CCNY: variants seen among roughly 807,000 people sequenced by gnomAD.
CCNY encodes cyclin-Y.
A neutral mutation model predicts 42.8 loss-of-function variants in CCNY; 19 were observed. The ratio of observed to expected loss-of-function variants is 0.44; its 90% CI spans 0.31 to 0.65. The LOEUF (loss-of-function observed/expected upper bound fraction) is 0.65. CCNY is among the 30% of genes least tolerant of loss of function. CCNY has a pLI of 0.07. For synonymous variants in CCNY, 165 were observed against 162.7 expected (o/e 1.01, Z -0.11); for missense variants, 370 against 437.3 (o/e 0.85, Z 1.37).
chr10:35,460,170 G>A (rs889835652), intron 1 of CCNY, among the ~76,000 whole-genome samples: 11 of 152,134 alleles, frequency 7.2e-5, no homozygotes, highest in Non-Finnish European at 1.2e-4. Flanking sequence ...TCTCCCTGCC[G>A]CTTGGCAGCT....
chr10:35,322,521 A>G (rs1835833191), intron 3 of CCNY, among the ~76,000 whole-genome samples: 1 of 152,212 alleles, frequency 6.6e-6, no homozygotes, highest in Non-Finnish European at 1.5e-5. Context: ...ACTTTTACAA[A>G]GTTAAAGACT....
chr10:35,379,189 CA>C (rs1254926837), intron 1 of CCNY, among the ~76,000 whole-genome samples: 2 of 152,132 alleles, frequency 1.3e-5, no homozygotes, highest in Non-Finnish European at 2.9e-5. Context: ...GGAGAGCAGG[CA>C]GGCTCTCGGG....
intron 1 of CCNY, among the ~76,000 whole-genome samples, chr10:35,400,912 A>ACT (rs1176832664): frequency 6.6e-6 from 1 of 152,190 alleles, no homozygotes; most frequent in African/African-American, 2.4e-5. Flanking sequence ...ATGGCATTGA[A>ACT]CTATTATCTT....
intron 7 of CCNY, among the ~76,000 whole-genome samples, chr10:35,550,849 C>T (rs74797399): frequency 0.025 from 3,738 of 152,192 alleles, 66 homozygotes; most frequent in Non-Finnish European, 0.035. Flanking sequence ...TCAGGACCAG[C>T]CCCTCCTTTT....
chr10:35,349,018 T>C (rs1165484507), intron 1 of CCNY, among the ~76,000 whole-genome samples: 1 of 152,088 alleles, frequency 6.6e-6, no homozygotes, highest in African/African-American at 2.4e-5. Context: ...GTGAATTTTT[T>C]CCAACCAAAC....
At chr10:35,479,106 G>A (rs369341179) in intron 1 of CCNY, among the ~76,000 whole-genome samples, 3 of 151,464 alleles carry the variant, frequency 2.0e-5, no homozygotes, top group African/African-American at 4.9e-5. Flanking sequence ...TCAGGAAACA[G>A]CAGGTGCTGG....
intron 1 of CCNY, among the ~76,000 whole-genome samples, chr10:35,420,163 T>C (rs907454990): frequency 2.6e-5 from 4 of 152,326 alleles, no homozygotes; most frequent in African/African-American, 9.6e-5. Context: ...GAAGTTTTCA[T>C]TAAGCTGCTA....
chr10:35,558,499 C>G (rs1444226440), intron 8 of CCNY, among the ~76,000 whole-genome samples: 1 of 152,206 alleles, frequency 6.6e-6, no homozygotes, highest in East Asian at 1.9e-4. Flanking sequence ...GTAACAGATG[C>G]TATTCATGAC....
At position 35,489,339 on chromosome 10, in the gene CCNY, C is replaced by T. The variant is rs887229874; in HGVS notation, c.229+5861C>T. On this transcript the variant is annotated intron_variant, in intron 2 of 9. Transcript: ENST00000374704. Reference sequence around the variant, plus strand: ...TTTTTGAGACGGAGTCTCGCTCTGTCGCTGAGGCTGGAGTGCGGTGGCACT... The same window carrying T: ...TTTTTGAGACGGAGTCTCGCTCTGTTGCTGAGGCTGGAGTGCGGTGGCACT... Among the ~76,000 whole-genome samples, 3 of 152,130 alleles carry T rather than the reference C, an allele frequency of 2.0e-5. No individual in the cohort carries two copies. In the East Asian group the frequency reaches 5.8e-4, roughly 29 times the overall value.
chr10:35,465,936 AGAGTGTGTGTGT>A (rs1564422040), intron 1 of CCNY, among the ~76,000 whole-genome samples: 1 of 117,602 alleles, frequency 8.5e-6, no homozygotes, highest in Non-Finnish European at 1.8e-5. Context: ...AGAGAGAGAG[AGAGTGTGTGTGT>A]GTGTGTGTGT....
At chr10:35,464,652 A>C (rs1839221783) in intron 1 of CCNY, among the ~76,000 whole-genome samples, 1 of 151,750 alleles carries the variant, frequency 6.6e-6, no homozygotes, top group African/African-American at 2.4e-5. Context: ...CTGGGTAACT[A>C]ACCCATTCTT....
intron 1 of CCNY, among the ~76,000 whole-genome samples, chr10:35,389,044 A>G (rs962452197): frequency 1.3e-5 from 2 of 152,196 alleles, no homozygotes; most frequent in Non-Finnish European, 2.9e-5. Context: ...TGGATTAACA[A>G]CTTTAATTCC....
chr10:35,450,257 A>G (rs1015703613), intron 1 of CCNY, among the ~76,000 whole-genome samples: 1 of 152,048 alleles, frequency 6.6e-6, no homozygotes, highest in Non-Finnish European at 1.5e-5. Flanking sequence ...TGAGGCTCAG[A>G]AAAGGGCTGC....
intron 3 of CCNY, among the ~76,000 whole-genome samples, chr10:35,307,434 C>T (rs945132998): frequency 2.0e-5 from 3 of 152,110 alleles, no homozygotes; most frequent in African/African-American, 7.2e-5. Flanking sequence ...TAGCAGAGGA[C>T]GGAGATTATG....
chr10:35,525,785 A>G lies in CCNY; in HGVS notation c.366-179A>G, dbSNP rs145628653. ...AATAATTCCTGGGAATTAGTGCCAC[A>G]TTGATTTACTCAGAAGAGGACATTT... On this transcript the variant is annotated intron_variant, in intron 4 of 9. Transcript: ENST00000374704. Among the ~76,000 whole-genome samples, 979 of 152,330 alleles carry G rather than the reference A, an allele frequency of 6.4e-3. 5 individuals are homozygous for G. Among genetic ancestry groups the G allele is most frequent in the Non-Finnish European group, 0.01 (705 of 68,024 alleles).
At chr10:35,287,856 AT>A (rs1271207883) in intron 3 of CCNY, among the ~76,000 whole-genome samples, 1 of 152,096 alleles carries the variant, frequency 6.6e-6, no homozygotes, top group African/African-American at 2.4e-5. Context: ...GGGTTTCAGC[AT>A]GTTGGCCACG....
intron 3 of CCNY, among the ~76,000 whole-genome samples, chr10:35,291,223 T>C (rs1302052618): frequency 6.6e-6 from 1 of 152,018 alleles, no homozygotes; most frequent in East Asian, 1.9e-4. Flanking sequence ...GCCAGGTTGG[T>C]CTCAAACTCC....
intron 3 of CCNY, among the ~76,000 whole-genome samples, chr10:35,503,962 C>A (rs1477015081): frequency 6.6e-6 from 1 of 152,212 alleles, no homozygotes; most frequent in Non-Finnish European, 1.5e-5. Flanking sequence ...GGGTTCATTT[C>A]TGAATATGGA....
chr10:35,538,305 A>G (rs111452843), intron 7 of CCNY, among the ~76,000 whole-genome samples: 1 of 152,144 alleles, frequency 6.6e-6, no homozygotes, highest in African/African-American at 2.4e-5. Context: ...ATGTGGGCAT[A>G]TGTCTTCATT....
Sources: allele counts gnomAD v4.1 joint callset (sites outside exome capture counted in the v4.1 genomes callset), GRCh38; gene constraint gnomAD v4.1.1; transcripts MANE v1.5; gene names NCBI Gene and HGNC (gene_info 2026-07-23, HGNC 2026-07-21).